Variants in SF3A3 observed in about 807,000 individuals in gnomAD.
SF3A3 encodes SAP 61.
A neutral mutation model predicts 85.8 loss-of-function variants in SF3A3; 9 were observed. The ratio of observed to expected loss-of-function variants is 0.10; its 90% CI spans 0.06 to 0.18. The LOEUF is 0.18. Ranked by LOEUF, SF3A3 falls within the 10% of genes least tolerant of loss-of-function variation. The pLI is 1.00. For synonymous variants in SF3A3, 195 were observed against 204.4 expected, an observed-to-expected ratio of 0.95 and a Z score of 0.39; for missense variants, 306 against 593.3, an observed-to-expected ratio of 0.52 and a Z score of 5.03.
chr1:37,977,599 G>A (rs1646387305), intron 11 of SF3A3, among the ~76,000 whole-genome samples: 1 of 152,170 alleles, frequency 6.6e-6, no homozygotes. Context: ...ACCACTGTGG[G>A]AGGCTGAGGC....
Position 37,969,576 on chromosome 1 carries a change from C to T in SF3A3, c.1165G>A (p.Gly389Ser). 6.2e-7 allele frequency: 1 copy of T among 1,614,186 alleles called. No homozygotes were observed. Among genetic ancestry groups the T allele is most frequent in the East Asian group, 2.2e-5 (1 of 44,890 alleles). The change falls in exon 13 of 17, where the codon GGC (glycine) becomes AGC (serine). Residue 389 changes from glycine to serine, a missense_variant. Transcript: ENST00000373019. ...NPKNLPLGWD[G>S]KPIPYWLYKL... ...GTGGTAGTGCTGAGACTTACTTTGC[C>T]ATCCCAGCCAAGTGGCAGGTTTTTG...
intron 2 of SF3A3, among the ~76,000 whole-genome samples, chr1:37,988,343 T>C: frequency 6.6e-6 from 1 of 152,208 alleles, no homozygotes; most frequent in East Asian, 1.9e-4. Context: ...TGGGACCAGA[T>C]TTGTTTCAGA....
In SF3A3 at chr1:37,969,349, C is replaced by T. The variant is rs1217168190; in HGVS notation, c.1281+5G>A. 6.2e-7 allele frequency: 1 copy of T among 1,602,570 alleles called. No individual in the cohort carries two copies. ...TCCCAGGAAAAATGGCTCTGAATTC[C>T]TTACAGCAAAGTGTCGCTGGAAGGC... On this transcript the variant is annotated splice_donor_5th_base_variant and intron_variant, in intron 14 of 16. Transcript: ENST00000373019.
At position 37,957,805 on chromosome 1, in the gene SF3A3, G is replaced by C. The variant is rs1233442071; in HGVS notation, c.*381C>G. The C allele has an allele frequency of 5.8e-6, 1 of 173,636 alleles. No homozygotes were observed. Among genetic ancestry groups the C allele is most frequent in the East Asian group, 1.6e-4 (1 of 6,352 alleles). 10.8% of individuals were successfully genotyped at this position (173,636 alleles called of 1,614,324 possible). A position where few individuals can be genotyped will look rare whatever the true frequency, so the allele number is the denominator to read the frequency against. ...ACTCATTCAGGGAAGCAGCAACAAA[G>C]GAGGGTGGGGAAAGAGGTCAGGTCA... is the stretch of plus-strand genomic sequence containing the variant. On this transcript the variant is annotated 3_prime_UTR_variant, in exon 17 of 17. Coordinates refer to ENST00000373019, the MANE Select transcript of SF3A3 (RefSeq NM_006802.4).
Position 37,987,843 on chromosome 1 carries a change from G to A in SF3A3, c.145-7C>T. ...CACTGACCTCCATATACCTCTGAAA[G>A]GCAAATACAAAACCATCAGAATGAT... On this transcript the variant is annotated splice_region_variant and splice_polypyrimidine_tract_variant and intron_variant, in intron 2 of 16. Coordinates refer to ENST00000373019, the MANE Select transcript of SF3A3 (RefSeq NM_006802.4). 6.2e-7 allele frequency: 1 copy of A among 1,610,598 alleles called. No individual in the cohort carries two copies. The highest frequency in any genetic ancestry group is 8.5e-7 in the Non-Finnish European group (1 of 1,177,072).
At chr1:37,989,516 A>C in intron 2 of SF3A3, 32 bp downstream of exon 2, 1 of 1,607,674 alleles carries the variant, frequency 6.2e-7, no homozygotes. Context: ...GCCCTCGCCA[A>C]CCCAAAGAGA....
chr1:37,987,858 A>G, intron 2 of SF3A3, 22 bp from the exon 3 acceptor site: 1 of 1,601,608 alleles, frequency 6.2e-7, no homozygotes, highest in Non-Finnish European at 8.6e-7. Flanking sequence ...ATACAAAACC[A>G]TCAGAATGAT....
intron 15 of SF3A3, among the ~76,000 whole-genome samples, chr1:37,966,223 T>A (rs183900172): frequency 0.013 from 1,843 of 142,516 alleles, 16 homozygotes; most frequent in African/African-American, 0.024. Flanking sequence ...ATAAATAAAT[T>A]AATTAATTAA....
chr1:37,967,682 A>C (rs1646312243), intron 15 of SF3A3, among the ~76,000 whole-genome samples: 2 of 86,346 alleles, frequency 2.3e-5, no homozygotes, highest in African/African-American at 8.8e-5. Context: ...CGTCACAAAA[A>C]AAAAAAAAAA....
intron 4 of SF3A3, among the ~76,000 whole-genome samples, chr1:37,986,316 A>C (rs1557756051): frequency 6.6e-6 from 1 of 152,098 alleles, no homozygotes; most frequent in Non-Finnish European, 1.5e-5. Context: ...TTACCTTGTG[A>C]CCAGATTTCC....
chr1:37,988,457 A>C (rs1306204640), intron 2 of SF3A3, among the ~76,000 whole-genome samples: 1 of 152,188 alleles, frequency 6.6e-6, no homozygotes, highest in African/African-American at 2.4e-5. Flanking sequence ...TTATTTACCA[A>C]GTGGGATAAA....
chr1:37,966,356 T>C (rs1313267712), intron 15 of SF3A3, among the ~76,000 whole-genome samples: 3 of 152,162 alleles, frequency 2.0e-5, no homozygotes, highest in Non-Finnish European at 2.9e-5. Context: ...CAGCAGCACA[T>C]TCCCTGACAT....
At chr1:37,971,999 C>T (rs988402685) in intron 12 of SF3A3, among the ~76,000 whole-genome samples, 3 of 152,128 alleles carry the variant, frequency 2.0e-5, no homozygotes, top group African/African-American at 7.2e-5. Context: ...GTTGGAAGTT[C>T]CGGCCAGGGC....
chr1:37,958,412 G>C (rs974182636), intron 16 of SF3A3, 149 bp from the exon 17 acceptor site: 3 of 649,096 alleles, frequency 4.6e-6, no homozygotes, highest in African/African-American at 1.8e-5. Flanking sequence ...TTCTCAACTG[G>C]GGTTCCACAA....
chr1:37,963,651 G>GT (rs1240676996), intron 15 of SF3A3, among the ~76,000 whole-genome samples: 1 of 150,792 alleles, frequency 6.6e-6, no homozygotes, highest in Non-Finnish European at 1.5e-5. Context: ...CCGCCTCCTG[G>GT]GTTCACGCCA....
At chr1:37,983,844 C>G (rs1359402354) in intron 6 of SF3A3, among the ~76,000 whole-genome samples, 1 of 151,402 alleles carries the variant, frequency 6.6e-6, no homozygotes, top group African/African-American at 2.4e-5. Context: ...AAGGCTAAGG[C>G]AGGAGATCAC....
intron 12 of SF3A3, among the ~76,000 whole-genome samples, chr1:37,974,867 T>C (rs1249425818): frequency 6.6e-6 from 1 of 152,234 alleles, no homozygotes; most frequent in Non-Finnish European, 1.5e-5. Flanking sequence ...CATATAATTT[T>C]ATCTAATACT....
At chr1:37,985,999 A>G (rs1225454084) in intron 4 of SF3A3, among the ~76,000 whole-genome samples, 1 of 128,468 alleles carries the variant, frequency 7.8e-6, no homozygotes, top group African/African-American at 3.0e-5. Context: ...CCCAGGCTGG[A>G]GTGCAGTGGC....
At chr1:37,975,399 C>T (rs1646372367) in intron 12 of SF3A3, among the ~76,000 whole-genome samples, 1 of 152,040 alleles carries the variant, frequency 6.6e-6, no homozygotes, top group South Asian at 2.1e-4. Context: ...ACCTGTAGTC[C>T]CAGCTACCAG....
Sources: gnomAD v4.1 joint callset for allele counts (sites outside exome capture counted in the v4.1 genomes callset) on GRCh38, gnomAD v4.1.1 for gene constraint, MANE v1.5 for transcripts, NCBI Gene and HGNC (gene_info 2026-07-23, HGNC 2026-07-21) for gene names.